CCDC178: variants seen among roughly 807,000 people sequenced by gnomAD.
CCDC178 encodes the protein coiled-coil domain containing 178.
A neutral mutation model predicts 117.4 loss-of-function variants in CCDC178; 126 were observed. That is an observed-to-expected ratio of 1.07 (90% CI 0.93 to 1.24). The LOEUF (loss-of-function observed/expected upper bound fraction) is 1.24, where lower values mean the gene tolerates loss of function less well. CCDC178 is among the 50% of genes most tolerant of loss of function. The probability of loss-of-function intolerance (pLI) is 0.00; values close to 1 mark genes in which losing one functional copy is unlikely to be tolerated. For missense variants in CCDC178, 1,030 were observed against 986.9 expected (o/e 1.04, Z -0.59); for synonymous variants, 283 against 313.4 (o/e 0.90, Z 1.02).
intron 11 of CCDC178, among the ~76,000 whole-genome samples, chr18:33,316,653 T>C (rs2062423203): frequency 6.6e-6 from 1 of 152,142 alleles, no homozygotes; most frequent in Non-Finnish European, 1.5e-5. Context: ...AACCTTTATG[T>C]CTAGCTAAGG....
chr18:33,083,902 G>T (rs2057336873), intron 21 of CCDC178, among the ~76,000 whole-genome samples: 2 of 152,230 alleles, frequency 1.3e-5, no homozygotes, highest in South Asian at 2.1e-4. Context: ...CAACTACATT[G>T]TGTGTTTATA....
At chr18:33,386,407 A>AAAC (rs1005671698) in intron 5 of CCDC178, among the ~76,000 whole-genome samples, 10 of 151,958 alleles carry the variant, frequency 6.6e-5, no homozygotes, top group African/African-American at 1.4e-4. Context: ...ACAACAACAA[A>AAAC]AACAACAACA....
intron 11 of CCDC178, among the ~76,000 whole-genome samples, chr18:33,309,757 T>G (rs201084507): frequency 1.3e-5 from 2 of 152,222 alleles, no homozygotes; most frequent in East Asian, 3.9e-4. Flanking sequence ...ATTTGGAGAT[T>G]AAAACTCATT....
At chr18:33,174,628 T>A (rs2058641931) in intron 20 of CCDC178, among the ~76,000 whole-genome samples, 1 of 152,072 alleles carries the variant, frequency 6.6e-6, no homozygotes, top group Non-Finnish European at 1.5e-5. Flanking sequence ...ATAAGACAAA[T>A]CCTTTATTTT....
At chr18:33,420,461 C>A (rs1364264474) in intron 2 of CCDC178, among the ~76,000 whole-genome samples, 1 of 152,166 alleles carries the variant, frequency 6.6e-6, no homozygotes. Flanking sequence ...TCAAGCGATT[C>A]TCATGCCTCA....
chr18:32,986,066 T>C (rs545500503), intron 21 of CCDC178, among the ~76,000 whole-genome samples: 10 of 152,248 alleles, frequency 6.6e-5, no homozygotes, highest in Non-Finnish European at 1.0e-4. Flanking sequence ...TTTGGCCTAG[T>C]TAATTTATTC....
At chr18:33,282,114 G>A (rs988046423) in intron 12 of CCDC178, among the ~76,000 whole-genome samples, 8 of 152,140 alleles carry the variant, frequency 5.3e-5, no homozygotes, top group African/African-American at 1.9e-4. Context: ...CACATATGGG[G>A]GGCTCATTTT....
intron 21 of CCDC178, among the ~76,000 whole-genome samples, chr18:32,987,061 T>A (rs2055279009): frequency 6.6e-6 from 1 of 151,024 alleles, no homozygotes; most frequent in Admixed American, 6.6e-5. Flanking sequence ...AAGTCTTCAA[T>A]CAACTAAAAA....
In CCDC178 at chr18:33,099,301, G is replaced by A. The variant is rs544410466; in HGVS notation, c.2239-6391C>T. ...TATATGATCCTGTGCACATGCCCAC[G>A]CATTACACCATTGATCCCATCCCAA... is the stretch of plus-strand genomic sequence containing the variant. On this transcript the variant is annotated intron_variant, in intron 20 of 22. Coordinates refer to ENST00000383096, the MANE Select transcript of CCDC178 (RefSeq NM_001105528.4). Among the ~76,000 whole-genome samples the A allele has an allele frequency of 5.3e-5, 8 of 152,024 alleles. No individual in the cohort carries two copies. The East Asian group carries it at 9.7e-4, about 19-fold the overall frequency.
intron 10 of CCDC178, among the ~76,000 whole-genome samples, chr18:33,332,177 G>A (rs187528388): frequency 6.6e-6 from 1 of 152,154 alleles, no homozygotes; most frequent in East Asian, 1.9e-4. Flanking sequence ...AAAATACTAT[G>A]TATTGTTTAT....
In CCDC178 at chr18:33,254,383, G is replaced by A. The variant is rs78843325; in HGVS notation, c.1410-8955C>T. 5.9e-4 allele frequency among the ~76,000 whole-genome samples: 90 copies of A among 151,836 alleles called. 2 individuals carry two copies. In the East Asian group the frequency reaches 0.016, roughly 27 times the overall value. The stretch of plus-strand genomic sequence containing the variant: ...CAAACCGGCAGTAACTGTACATAGT[G>A]TGGAAAGTGCTAAAAGGGAAGTATG... On this transcript the variant is annotated intron_variant, in intron 14 of 22. Transcript: ENST00000383096.
intron 21 of CCDC178, among the ~76,000 whole-genome samples, chr18:32,996,383 T>C (rs573723627): frequency 6.6e-6 from 1 of 152,034 alleles, no homozygotes; most frequent in African/African-American, 2.4e-5. Context: ...AGAGAAATAT[T>C]AAGTAACCTT....
chr18:33,103,681 T>C (rs1369346346), intron 20 of CCDC178, among the ~76,000 whole-genome samples: 1 of 151,612 alleles, frequency 6.6e-6, no homozygotes, highest in African/African-American at 2.4e-5. Flanking sequence ...ATACCATAAA[T>C]CTTGCCCAAA....
chr18:33,022,013 A>G (rs909807275), intron 21 of CCDC178, among the ~76,000 whole-genome samples: 13 of 152,208 alleles, frequency 8.5e-5, no homozygotes, highest in Non-Finnish European at 1.9e-4. Context: ...TGCAACATAG[A>G]AAATTCAGGA....
chr18:33,393,954 T>C (rs1568198153), intron 4 of CCDC178, among the ~76,000 whole-genome samples: 1 of 152,004 alleles, frequency 6.6e-6, no homozygotes, highest in Non-Finnish European at 1.5e-5. Context: ...CCTTACCAAC[T>C]TTAAACCATA....
intron 21 of CCDC178, among the ~76,000 whole-genome samples, chr18:33,039,248 T>C (rs977867592): frequency 3.9e-5 from 6 of 151,950 alleles, no homozygotes; most frequent in South Asian, 2.1e-4. Flanking sequence ...GCATTTCTAA[T>C]TGGAGTAATA....
intron 15 of CCDC178, among the ~76,000 whole-genome samples, chr18:33,231,217 A>G (rs1293774456): frequency 1.3e-5 from 2 of 152,204 alleles, no homozygotes; most frequent in African/African-American, 2.4e-5. Flanking sequence ...ATTATGTTAT[A>G]TTCCTGCCAG....
chr18:33,314,200 C>CAAAAAAAAAAAAA (rs869127341), intron 11 of CCDC178, among the ~76,000 whole-genome samples: 3 of 62,444 alleles, frequency 4.8e-5, no homozygotes, highest in African/African-American at 1.3e-4. Flanking sequence ...GACTCCGTCT[C>CAAAAAAAAAAAAA]AAAAAAAAAA....
intron 20 of CCDC178, among the ~76,000 whole-genome samples, chr18:33,174,244 C>A (rs1042214227): frequency 1.3e-5 from 2 of 152,120 alleles, no homozygotes; most frequent in Non-Finnish European, 1.5e-5. Context: ...AAGACAGCAC[C>A]AAGCCATAAG....
Sources: allele counts gnomAD v4.1 joint callset (sites outside exome capture counted in the v4.1 genomes callset), GRCh38; gene constraint gnomAD v4.1.1; transcripts MANE v1.5; gene names NCBI Gene and HGNC (gene_info 2026-07-23, HGNC 2026-07-21).